The following TCF4 variants were observed in gnomAD, a reference collection of about 807,000 sequenced individuals.
TCF4 encodes SL3-3 enhancer factor 2.
TCF4 carries 3 observed loss-of-function variants against 82.1 expected under a neutral mutation model. That is an observed-to-expected ratio of 0.04 (90% CI 0.02 to 0.09). The LOEUF (loss-of-function observed/expected upper bound fraction) is 0.09, where lower values mean the gene tolerates loss of function less well. Ranked by LOEUF, TCF4 falls within the 10% of genes least tolerant of loss-of-function variation. The probability of loss-of-function intolerance (pLI) is 1.00; values close to 1 mark genes in which losing one functional copy is unlikely to be tolerated. For missense variants in TCF4, 518 were observed against 852.7 expected, an observed-to-expected ratio of 0.61 and a Z score of 4.89; for synonymous variants, 276 against 309.6, an observed-to-expected ratio of 0.89 and a Z score of 1.14.
At chr18:55,578,116 T>G (rs1490037425) in intron 3 of TCF4, among the ~76,000 whole-genome samples, 1 of 152,142 alleles carries the variant, frequency 6.6e-6, no homozygotes, top group African/African-American at 2.4e-5. Flanking sequence ...TTTGTTATTT[T>G]TAATAACACA....
chr18:55,362,339 G>GGA lies in TCF4; in HGVS notation c.370-11337_370-11336insTC, dbSNP rs1188160658. The stretch of plus-strand genomic sequence containing the variant: ...TCCAAAAACAAAAACAAAAAAAAAA[G>GGA]AGGAAGGAAGGAAGGAAGGAAGGAA... On this transcript the variant is annotated intron_variant, in intron 6 of 19. Coordinates refer to ENST00000354452, the MANE Select transcript of TCF4 (RefSeq NM_001083962.2). Among the ~76,000 whole-genome samples, 17 of 68,560 alleles carry GGA rather than the reference G, an allele frequency of 2.5e-4. 1 individual carries two copies. Among genetic ancestry groups the GGA allele is most frequent in the Admixed American group, 2.2e-3 (12 of 5,398 alleles). The allele number at this position is 68,560 out of a possible 152,430, so 45.0% of individuals were successfully genotyped here.
chr18:55,248,290 G>C (rs1210144705), intron 15 of TCF4, among the ~76,000 whole-genome samples: 1 of 152,224 alleles, frequency 6.6e-6, no homozygotes, highest in Non-Finnish European at 1.5e-5. Context: ...CAAGATAGTA[G>C]CTATTAAAAG....
intron 6 of TCF4, among the ~76,000 whole-genome samples, chr18:55,353,024 T>C (rs935621319): frequency 3.9e-5 from 6 of 152,190 alleles, no homozygotes; most frequent in African/African-American, 9.7e-5. Context: ...TTTCTTTCTC[T>C]AGAAGTATAT....
chr18:55,614,067 A>AT (rs1568493960), intron 2 of TCF4, among the ~76,000 whole-genome samples: 1 of 151,958 alleles, frequency 6.6e-6, no homozygotes, highest in Non-Finnish European at 1.5e-5. Flanking sequence ...CTAATTTTTA[A>AT]TTTTTTTGTA....
At chr18:55,446,860 C>T (rs2095534089) in intron 5 of TCF4, among the ~76,000 whole-genome samples, 1 of 151,794 alleles carries the variant, frequency 6.6e-6, no homozygotes, top group Non-Finnish European at 1.5e-5. Flanking sequence ...GTGGTAGATG[C>T]CTGTAGTCCC....
chr18:55,331,178 T>C (rs1038977341), intron 8 of TCF4, among the ~76,000 whole-genome samples: 1 of 151,828 alleles, frequency 6.6e-6, no homozygotes, highest in African/African-American at 2.4e-5. Flanking sequence ...GTGGTCCCTG[T>C]GATTTTCAGG....
chr18:55,560,459 T>C (rs1372473363), intron 3 of TCF4, among the ~76,000 whole-genome samples: 1 of 152,114 alleles, frequency 6.6e-6, no homozygotes, highest in African/African-American at 2.4e-5. Flanking sequence ...GGCAGGTAGG[T>C]CCTTTGAGGA....
chr18:55,597,134 A>C (rs1380080051), intron 2 of TCF4, among the ~76,000 whole-genome samples: 1 of 152,138 alleles, frequency 6.6e-6, no homozygotes, highest in African/African-American at 2.4e-5. Flanking sequence ...AGGCCTCCCC[A>C]GCCATGCATC....
intron 5 of TCF4, among the ~76,000 whole-genome samples, chr18:55,453,745 T>C (rs1328416527): frequency 6.6e-6 from 1 of 151,932 alleles, no homozygotes; most frequent in African/African-American, 2.4e-5. Flanking sequence ...AAATCAGTTA[T>C]CTTAGCTCAA....
At chr18:55,556,002 A>G (rs1393176823) in intron 3 of TCF4, among the ~76,000 whole-genome samples, 1 of 152,210 alleles carries the variant, frequency 6.6e-6, no homozygotes, top group Non-Finnish European at 1.5e-5. Context: ...ACAGATATTA[A>G]TAAAGGAGAA....
chr18:55,416,563 A>AAT (rs1229711425), intron 5 of TCF4, among the ~76,000 whole-genome samples: 3 of 152,148 alleles, frequency 2.0e-5, no homozygotes, highest in Non-Finnish European at 2.9e-5. Flanking sequence ...TTTCCATCAT[A>AAT]ATATATATAT....
intron 3 of TCF4, among the ~76,000 whole-genome samples, chr18:55,538,523 G>A: frequency 6.6e-6 from 1 of 152,218 alleles, no homozygotes; most frequent in South Asian, 2.1e-4. Flanking sequence ...CAGCAGGAAA[G>A]TTTTTAAAGG....
intron 9 of TCF4, among the ~76,000 whole-genome samples, chr18:55,277,691 A>C (rs2061728234): frequency 6.6e-6 from 1 of 150,990 alleles, no homozygotes; most frequent in South Asian, 2.1e-4. Flanking sequence ...TAGGGAAAGG[A>C]GCCTACTGAT....
At chr18:55,268,684 C>T (rs2059710079) in intron 11 of TCF4, 1 of 152,100 alleles carries the variant, frequency 6.6e-6, no homozygotes, top group Non-Finnish European at 1.5e-5. Context: ...ACACATCTCT[C>T]CTCCAACATC....
At chr18:55,260,834 A>G (rs999942612) in intron 12 of TCF4, among the ~76,000 whole-genome samples, 1 of 152,192 alleles carries the variant, frequency 6.6e-6, no homozygotes, top group African/African-American at 2.4e-5. Flanking sequence ...TGCTGAGATT[A>G]CCAGTGTGAG....
At chr18:55,475,528 G>C (rs970220129) in intron 3 of TCF4, among the ~76,000 whole-genome samples, 40 of 152,050 alleles carry the variant, frequency 2.6e-4, no homozygotes, top group Admixed American at 1.3e-4. Flanking sequence ...GGAAAGATTC[G>C]TTAAGAACAT....
chr18:55,522,050 A>G (rs773721054), intron 3 of TCF4, among the ~76,000 whole-genome samples: 9 of 152,204 alleles, frequency 5.9e-5, no homozygotes, highest in Non-Finnish European at 1.0e-4. Context: ...AAGAGACACC[A>G]GCAGACTGGG....
intron 3 of TCF4, among the ~76,000 whole-genome samples, chr18:55,476,961 T>TAC (rs150341245): frequency 7.2e-4 from 110 of 152,166 alleles, no homozygotes; most frequent in African/African-American, 2.4e-3. Context: ...AAAATCAGCA[T>TAC]ACACACACAC....
rs535059713 is a variant in TCF4 at position 55,545,922 on chromosome 18, T to C, written c.145+39358A>G. On this transcript the variant is annotated intron_variant, in intron 3 of 19. Coordinates refer to ENST00000354452, the MANE Select transcript of TCF4 (RefSeq NM_001083962.2). ...TAATTTCACTCATAGGTTCTGGTAT[T>C]TTTTTCCCCCATAACTTAAGAGTTT... 2.6e-5 allele frequency among the ~76,000 whole-genome samples: 4 copies of C among 152,152 alleles called. No individual in the cohort carries two copies. In the South Asian group the frequency reaches 6.2e-4, roughly 24 times the overall value.
Sources: allele counts gnomAD v4.1 joint callset (sites outside exome capture counted in the v4.1 genomes callset), GRCh38; gene constraint gnomAD v4.1.1; transcripts MANE v1.5; gene names NCBI Gene and HGNC (gene_info 2026-07-23, HGNC 2026-07-21).